The following PCDH15 variants were observed in gnomAD, a reference collection of about 807,000 sequenced individuals.
PCDH15 encodes the protein protocadherin-15.
PCDH15 carries 129 observed loss-of-function variants against 178.5 expected under a neutral mutation model. That is an observed-to-expected ratio of 0.72 (90% CI 0.63 to 0.84). PCDH15 has a LOEUF of 0.84. PCDH15 is among the 40% of genes least tolerant of loss of function. PCDH15 has a pLI of 0.00. For missense variants in PCDH15, 2,230 were observed against 2,099.9 expected, an observed-to-expected ratio of 1.06 and a Z score of -1.21; for synonymous variants, 800 against 732.0, an observed-to-expected ratio of 1.09 and a Z score of -1.50.
rs552968818 is a variant in PCDH15 at position 55,626,566 on chromosome 10, G to A, written c.-156+1059C>T. Among the ~76,000 whole-genome samples, 108 of 152,148 alleles carry A rather than the reference G, an allele frequency of 7.1e-4. 1 individual carries two copies. Among genetic ancestry groups the A allele is most frequent in the African/African-American group, 2.4e-3 (99 of 41,504 alleles). Reference sequence around the variant, plus strand: ...ACCACTCTCTTAAGGTTAACTTGCCGCTCTCTTTACACCTATGAATCCATA... The same window carrying A: ...ACCACTCTCTTAAGGTTAACTTGCCACTCTCTTTACACCTATGAATCCATA... On this transcript the variant is annotated intron_variant, in intron 2 of 5. Coordinates refer to the PCDH15 transcript ENST00000613346.
chr10:55,008,986 G>A (rs934078296), intron 2 of PCDH15, among the ~76,000 whole-genome samples: 7 of 151,864 alleles, frequency 4.6e-5, no homozygotes, highest in Admixed American at 1.3e-4. Context: ...CTCCATACTC[G>A]TCTCACTCCG....
At chr10:55,053,748 C>T (rs1841222554) in intron 2 of PCDH15, among the ~76,000 whole-genome samples, 1 of 152,166 alleles carries the variant, frequency 6.6e-6, no homozygotes, top group African/African-American at 2.4e-5. Flanking sequence ...GAGTTGATGA[C>T]AGCTAACTAA....
chr10:54,500,810 T>G (rs1174923932), intron 3 of PCDH15, among the ~76,000 whole-genome samples: 1 of 151,990 alleles, frequency 6.6e-6, no homozygotes, highest in Non-Finnish European at 1.5e-5. Context: ...GCAACAGAAG[T>G]GAGACTCCAT....
At chr10:54,702,543 C>CAAAAAAAA (rs375110960) in intron 1 of PCDH15, among the ~76,000 whole-genome samples, 1 of 125,680 alleles carries the variant, frequency 8.0e-6, no homozygotes, top group Non-Finnish European at 1.6e-5. Flanking sequence ...CACAGAAATA[C>CAAAAAAAA]AAAAAAAAAA....
chr10:55,160,317 A>AC, intron 2 of PCDH15, among the ~76,000 whole-genome samples: 1 of 151,712 alleles, frequency 6.6e-6, no homozygotes, highest in South Asian at 2.1e-4. Context: ...ACATGTTTGC[A>AC]CTACTGAAAA....
intron 1 of PCDH15, among the ~76,000 whole-genome samples, chr10:55,275,779 T>C (rs974237478): frequency 2.6e-5 from 4 of 151,626 alleles, no homozygotes; most frequent in South Asian, 2.1e-4. Context: ...AGAATCAGGT[T>C]GTCAAAATCC....
chr10:55,329,565 T>G (rs573720470), intron 2 of PCDH15, among the ~76,000 whole-genome samples: 1 of 151,682 alleles, frequency 6.6e-6, no homozygotes, highest in East Asian at 1.9e-4. Context: ...ACTAAGAAAA[T>G]TATAGTTTGT....
At chr10:54,785,430 A>C (rs944602249) in intron 1 of PCDH15, among the ~76,000 whole-genome samples, 6 of 152,020 alleles carry the variant, frequency 3.9e-5, no homozygotes, top group African/African-American at 1.4e-4. Flanking sequence ...ATACCTAATA[A>C]GCATTATGTA....
intron 3 of PCDH15, among the ~76,000 whole-genome samples, chr10:54,879,967 C>T (rs905681436): frequency 6.6e-6 from 1 of 151,640 alleles, no homozygotes; most frequent in Non-Finnish European, 1.5e-5. Context: ...ATTAGAGATT[C>T]GGCTAAAGTT....
chr10:54,422,194 G>C (rs1955615205), intron 3 of PCDH15, among the ~76,000 whole-genome samples: 1 of 151,764 alleles, frequency 6.6e-6, no homozygotes. Context: ...AGCAGCACTT[G>C]ATTTCCTTTA....
Position 55,210,565 on chromosome 10 carries a change from A to G in PCDH15, c.-155-43914T>C, listed in dbSNP as rs572657858. Among the ~76,000 whole-genome samples, 243 of 116,792 alleles carry G rather than the reference A, an allele frequency of 2.1e-3. 1 individual carries two copies. The highest frequency in any genetic ancestry group is 6.3e-3 in the African/African-American group (207 of 32,638). 76.6% of individuals were successfully genotyped at this position (116,792 alleles called of 152,430 possible). A position where few individuals can be genotyped will look rare whatever the true frequency, so the allele number is the denominator to read the frequency against. On this transcript the variant is annotated intron_variant, in intron 1 of 5. Transcript: ENST00000458638. Reference sequence around the variant, plus strand: ...AAGCATGGAGGAATTTTGCGGGGGGAAAAAAAAGCTAATTGAATTTGGCTC... The same window carrying G: ...AAGCATGGAGGAATTTTGCGGGGGGGAAAAAAAGCTAATTGAATTTGGCTC...
chr10:55,114,827 A>C (rs535225960), intron 2 of PCDH15, among the ~76,000 whole-genome samples: 1 of 152,336 alleles, frequency 6.6e-6, no homozygotes, highest in Admixed American at 6.5e-5. Context: ...AGGAAGAAGT[A>C]AACTTCTATG....
intron 15 of PCDH15, among the ~76,000 whole-genome samples, chr10:54,105,583 CT>C (rs2094904141): frequency 6.6e-6 from 1 of 151,892 alleles, no homozygotes; most frequent in African/African-American, 2.4e-5. Flanking sequence ...ATTTTTCTGC[CT>C]GCTTTATTTT....
chr10:55,341,557 T>G (rs1027460968), intron 2 of PCDH15, among the ~76,000 whole-genome samples: 2 of 148,186 alleles, frequency 1.3e-5, no homozygotes, highest in African/African-American at 5.0e-5. Flanking sequence ...TTTTTTCTCA[T>G]ATTCTAGATT....
intron 18 of PCDH15, among the ~76,000 whole-genome samples, chr10:54,054,120 T>C (rs1276060416): frequency 1.3e-5 from 2 of 152,228 alleles, no homozygotes; most frequent in Admixed American, 6.5e-5. Flanking sequence ...ATCTTAAAAA[T>C]GTTGAAATTT....
intron 2 of PCDH15, among the ~76,000 whole-genome samples, chr10:55,499,439 AC>A (rs1840606278): frequency 3.3e-5 from 5 of 150,382 alleles, no homozygotes; most frequent in African/African-American, 1.2e-4. Flanking sequence ...ACACACACAC[AC>A]ACACACACAC....
intron 1 of PCDH15, among the ~76,000 whole-genome samples, chr10:54,743,980 G>T (rs1318020874): frequency 6.6e-6 from 1 of 151,998 alleles, no homozygotes; most frequent in African/African-American, 2.4e-5. Flanking sequence ...GTTGGCTTGA[G>T]ATTAATCACA....
At chr10:54,789,204 A>G (rs1363832268) in intron 1 of PCDH15, among the ~76,000 whole-genome samples, 1 of 151,948 alleles carries the variant, frequency 6.6e-6, no homozygotes, top group Non-Finnish European at 1.5e-5. Context: ...AAGCAAATAC[A>G]AAAACAAAAA....
At chr10:54,016,116 C>A (rs908093116) in intron 20 of PCDH15, among the ~76,000 whole-genome samples, 2 of 151,888 alleles carry the variant, frequency 1.3e-5, no homozygotes, top group Non-Finnish European at 2.9e-5. Context: ...AAGATATGAA[C>A]GCACACTTTT....
Sources: gnomAD v4.1 joint callset for allele counts (sites outside exome capture counted in the v4.1 genomes callset) on GRCh38, gnomAD v4.1.1 for gene constraint, MANE v1.5 for transcripts, NCBI Gene and HGNC (gene_info 2026-07-23, HGNC 2026-07-21) for gene names.